CTBP1: variants seen among roughly 807,000 people sequenced by gnomAD.
The protein encoded by CTBP1 is C-terminal-binding protein 1.
Under a neutral mutation model 42.1 loss-of-function variants are expected in CTBP1, and 11 were observed. The observed-to-expected ratio is 0.26, with a 90% CI of 0.16 to 0.43. The LOEUF (loss-of-function observed/expected upper bound fraction) is 0.43, where lower values mean the gene tolerates loss of function less well. Among genes scored for constraint, CTBP1 ranks in the 20% least tolerant of loss-of-function variants. The probability of loss-of-function intolerance (pLI) is 1.00; values close to 1 mark genes in which losing one functional copy is unlikely to be tolerated. For synonymous variants in CTBP1, 324 were observed against 277.1 expected, an observed-to-expected ratio of 1.17 and a Z score of -1.68; for missense variants, 399 against 624.3, an observed-to-expected ratio of 0.64 and a Z score of 3.85.
At chr4:1,229,873 G>GAGGACCACACAGACC in intron 3 of CTBP1, among the ~76,000 whole-genome samples, 1 of 152,226 alleles carries the variant, frequency 6.6e-6, no homozygotes. Flanking sequence ...GAGGACCATG[G>GAGGACCACACAGACC]AGGACCACAC....
Position 1,236,571 on chromosome 4 carries a change from G to A in CTBP1, c.162+1612C>T, listed in dbSNP as rs899842210. ...TGATGGGGCTCAGGACAAACCGAGT[G>A]TCCACCTCCTGATGGGGCTCAGGAC... On this transcript the variant is annotated intron_variant, in intron 3 of 9. Coordinates refer to ENST00000382952, the MANE Select transcript of CTBP1 (RefSeq NM_001012614.2). The A allele has an allele frequency of 3.6e-5, 24 of 668,188 alleles. 1 individual carries two copies. Among genetic ancestry groups the A allele is most frequent in the African/African-American group, 3.5e-5 (2 of 56,596 alleles). The allele number at this position is 668,188 out of a possible 1,614,324, so 41.4% of individuals were successfully genotyped here. A position where few individuals can be genotyped will look rare whatever the true frequency, so the allele number is the denominator to read the frequency against.
At chr4:1,227,511 T>A (rs1730491991) in intron 4 of CTBP1, among the ~76,000 whole-genome samples, 1 of 144,118 alleles carries the variant, frequency 6.9e-6, no homozygotes, top group East Asian at 2.2e-4. Flanking sequence ...TGCAGATGAG[T>A]GTGCGTGTTC....
chr4:1,218,931 A>G (rs1254275703), intron 5 of CTBP1, among the ~76,000 whole-genome samples: 1 of 152,250 alleles, frequency 6.6e-6, no homozygotes, highest in Non-Finnish European at 1.5e-5. Context: ...ATCATCAGCA[A>G]TTACACTAAA....
intron 1 of CTBP1, chr4:1,245,161 T>C (rs1732587141): frequency 1.0e-6 from 1 of 985,278 alleles, no homozygotes; most frequent in Non-Finnish European, 1.2e-6. Context: ...TACGGCACCT[T>C]GGACGGCAGC....
chr4:1,227,028 AGAG>A (rs746444740), intron 4 of CTBP1, among the ~76,000 whole-genome samples: 7 of 152,050 alleles, frequency 4.6e-5, no homozygotes, highest in African/African-American at 4.8e-5. Flanking sequence ...ACCAGCATCG[AGAG>A]GAGGAGAAAA....
intron 1 of CTBP1, among the ~76,000 whole-genome samples, chr4:1,247,439 G>C (rs889245269): frequency 6.6e-6 from 1 of 152,092 alleles, no homozygotes; most frequent in African/African-American, 2.4e-5. Flanking sequence ...ACCCCAGAGG[G>C]AGGTGGCCAG....
intron 1 of CTBP1, chr4:1,242,756 C>T (rs770317689): frequency 1.0e-6 from 1 of 985,328 alleles, no homozygotes; most frequent in Admixed American, 6.1e-5. Flanking sequence ...CAGCCTCCTG[C>T]CCTGAATGCC....
rs562305900 is a variant in CTBP1, at chr4:1,212,089, G to A, written c.*151C>T. 65 of 556,686 alleles carry A rather than the reference G, an allele frequency of 1.2e-4. No homozygotes were observed. The highest frequency in any genetic ancestry group is 9.2e-4 in the African/African-American group (47 of 50,900). The allele number at this position is 556,686 out of a possible 1,614,324, so 34.5% of individuals were successfully genotyped here. ...CAGGACGGACGACGACAAGCGACAC[G>A]AGGCCCAGCGCTGCCCCCTCCCGCC... is the stretch of plus-strand genomic sequence containing the variant. On this transcript the variant is annotated 3_prime_UTR_variant, in exon 10 of 10. Transcript: ENST00000382952.
intron 3 of CTBP1, among the ~76,000 whole-genome samples, chr4:1,229,749 C>G (rs1002260201): frequency 6.6e-6 from 1 of 152,194 alleles, no homozygotes; most frequent in Admixed American, 6.5e-5. Context: ...CACCACCCAG[C>G]TGCAACCCCT....
intron 1 of CTBP1, chr4:1,245,439 C>T: frequency 1.0e-6 from 1 of 985,418 alleles, no homozygotes; most frequent in Non-Finnish European, 1.2e-6. Context: ...CTTCCCAACA[C>T]AGTCTACACA....
At chr4:1,216,377 T>C (rs1173310155) in intron 5 of CTBP1, 172 bp from the exon 6 acceptor site, 3 of 662,916 alleles carry the variant, frequency 4.5e-6, no homozygotes, top group Non-Finnish European at 7.7e-6. Context: ...GCGCTCCACG[T>C]CCGCTCCAAC....
At chr4:1,230,124 G>A (rs1054961110) in intron 3 of CTBP1, among the ~76,000 whole-genome samples, 1 of 152,182 alleles carries the variant, frequency 6.6e-6, no homozygotes, top group Admixed American at 6.5e-5. Context: ...TGGTGCACCA[G>A]ACGCAGTGTG....
rs561540977 is a variant in CTBP1, at chr4:1,228,493, G to T, written c.163-150C>A. The T allele has an allele frequency of 3.0e-6, 3 of 1,000,548 alleles. No homozygotes were observed. The South Asian group carries it at 5.0e-5, about 17-fold the overall frequency. The allele number at this position is 1,000,548 out of a possible 1,614,324, so 62.0% of individuals were successfully genotyped here. The stretch of plus-strand genomic sequence containing the variant: ...GCCCGGACACTGGGAGAGGCTACAT[G>T]AAGGCTTCCCCGCCACGCGCGGCCC... On this transcript the variant is annotated intron_variant, in intron 3 of 9. Transcript: ENST00000382952.
At chr4:1,226,946 C>CTAGGAAAAGGGAAGCAAAACCGT (rs1233767880) in intron 4 of CTBP1, among the ~76,000 whole-genome samples, 2 of 151,966 alleles carry the variant, frequency 1.3e-5, no homozygotes, top group African/African-American at 4.8e-5. Context: ...AAACTGTATC[C>CTAGGAAAAGGGAAGCAAAACCGT]TAGGAAAAGG....
chr4:1,220,053 T>A (rs1729563094), intron 5 of CTBP1, among the ~76,000 whole-genome samples: 1 of 152,054 alleles, frequency 6.6e-6, no homozygotes, highest in South Asian at 2.1e-4. Context: ...AATACAAAAA[T>A]TAGCCAGGCA....
chr4:1,223,364 C>T, intron 5 of CTBP1: 1 of 446,024 alleles, frequency 2.2e-6, no homozygotes, highest in South Asian at 1.6e-5. Context: ...AGAGACGTGT[C>T]CAGGAAGAGA....
At chr4:1,240,820 A>C (rs538868544) in intron 2 of CTBP1, among the ~76,000 whole-genome samples, 1 of 152,236 alleles carries the variant, frequency 6.6e-6, no homozygotes, top group Admixed American at 6.5e-5. Context: ...CACACCCAGG[A>C]GGCTTCACAG....
At chr4:1,242,502 C>A in intron 1 of CTBP1, 1 of 985,088 alleles carries the variant, frequency 1.0e-6, no homozygotes, top group East Asian at 1.1e-4. Flanking sequence ...AGAGGCCTCG[C>A]AGACAAATCT....
chr4:1,241,945 C>G, intron 1 of CTBP1: 1 of 1,026,490 alleles, frequency 9.7e-7, no homozygotes, highest in Non-Finnish European at 1.2e-6. Flanking sequence ...GTCACTGATT[C>G]CCGGGCCTCT....
Sources: gnomAD v4.1 joint callset for allele counts (sites outside exome capture counted in the v4.1 genomes callset) on GRCh38, gnomAD v4.1.1 for gene constraint, MANE v1.5 for transcripts, NCBI Gene and HGNC (gene_info 2026-07-23, HGNC 2026-07-21) for gene names.